Variants in AFF3 observed in about 807,000 individuals in gnomAD.
AFF3 encodes ALF transcription elongation factor 3, also known as AF4/FMR2 family member 3.
AFF3 carries 32 observed loss-of-function variants against 129.7 expected under a neutral mutation model. The ratio of observed to expected loss-of-function variants is 0.25; its 90% CI spans 0.19 to 0.33. The LOEUF (loss-of-function observed/expected upper bound fraction) is 0.33. Among genes scored for constraint, AFF3 ranks in the 10% least tolerant of loss-of-function variants. AFF3 has a pLI of 1.00. For missense variants in AFF3, 1,373 were observed against 1,592.0 expected (o/e 0.86, Z 2.34); for synonymous variants, 644 against 635.4 (o/e 1.01, Z -0.20).
At chr2:99,654,283 AGAG>A (rs1225973405) in intron 12 of AFF3, among the ~76,000 whole-genome samples, 1 of 152,212 alleles carries the variant, frequency 6.6e-6, no homozygotes, top group Non-Finnish European at 1.5e-5. Context: ...TTATGAAAGA[AGAG>A]GAGTATATGT....
At position 99,703,153 on chromosome 2, in the gene AFF3, G is replaced by T. The variant is rs776545553; in HGVS notation, c.1091+23924C>A. ...TGGGCTAACATTAAGATGATGCAGG[G>T]CTGTGTTCCTTCTGAGGCCTCTAGG... is the stretch of plus-strand genomic sequence containing the variant. On this transcript the variant is annotated intron_variant, in intron 11 of 24. Coordinates refer to ENST00000672756, the MANE Select transcript of AFF3 (RefSeq NM_001386135.1). Among the ~76,000 whole-genome samples, 12 of 152,328 alleles carry T rather than the reference G, an allele frequency of 7.9e-5. No individual in the cohort carries two copies. In the South Asian group the frequency reaches 2.5e-3, roughly 32 times the overall value.
chr2:99,889,585 A>G (rs906509504), intron 7 of AFF3, among the ~76,000 whole-genome samples: 7 of 152,222 alleles, frequency 4.6e-5, no homozygotes, highest in Admixed American at 4.6e-4. Context: ...CTATCTTTAA[A>G]GAAAAAAGCA....
chr2:99,963,755 A>G (rs2104353360), intron 7 of AFF3, among the ~76,000 whole-genome samples: 1 of 152,188 alleles, frequency 6.6e-6, no homozygotes. Context: ...AAAAACAATA[A>G]AAGACTTAGC....
At chr2:100,095,449 A>G (rs191938722) in intron 4 of AFF3, among the ~76,000 whole-genome samples, 4 of 152,362 alleles carry the variant, frequency 2.6e-5, no homozygotes, top group African/African-American at 9.6e-5. Context: ...CCAGGAGTAC[A>G]GATACCAACT....
intron 7 of AFF3, among the ~76,000 whole-genome samples, chr2:99,989,426 C>A (rs959958729): frequency 6.6e-6 from 1 of 152,230 alleles, no homozygotes; most frequent in Admixed American, 6.5e-5. Flanking sequence ...CATCCATTAA[C>A]ACTGCAGTCC....
intron 10 of AFF3, among the ~76,000 whole-genome samples, chr2:99,734,705 A>G (rs1680107570): frequency 6.6e-6 from 1 of 152,096 alleles, no homozygotes; most frequent in African/African-American, 2.4e-5. Context: ...AATTCCTAAA[A>G]TAAGTACAGT....
intron 7 of AFF3, among the ~76,000 whole-genome samples, chr2:99,991,520 T>G (rs1192242900): frequency 6.6e-6 from 1 of 152,204 alleles, no homozygotes; most frequent in East Asian, 1.9e-4. Context: ...TGAGTCAGAA[T>G]GTCATGATTT....
intron 4 of AFF3, among the ~76,000 whole-genome samples, chr2:100,089,077 A>T (rs1689670699): frequency 6.6e-6 from 1 of 152,122 alleles, no homozygotes; most frequent in South Asian, 2.1e-4. Context: ...AAAAGTCACG[A>T]GGTATAAAGT....
intron 13 of AFF3, among the ~76,000 whole-genome samples, chr2:99,603,398 T>G (rs1488422089): frequency 3.3e-5 from 5 of 152,162 alleles, no homozygotes; most frequent in Admixed American, 2.6e-4. Flanking sequence ...CCCTATTTAA[T>G]AAACGGTGCT....
intron 13 of AFF3, among the ~76,000 whole-genome samples, chr2:99,621,448 C>T (rs991001842): frequency 5.3e-5 from 8 of 152,196 alleles, no homozygotes; most frequent in Non-Finnish European, 1.2e-4. Flanking sequence ...AGGGATCTGC[C>T]TGCGACCTCG....
intron 7 of AFF3, among the ~76,000 whole-genome samples, chr2:99,879,516 T>C (rs928360924): frequency 1.3e-5 from 2 of 152,242 alleles, no homozygotes; most frequent in Non-Finnish European, 2.9e-5. Context: ...GCAACCTTTG[T>C]AGAATTTCTC....
chr2:99,664,474 T>C (rs1686507469), intron 12 of AFF3, among the ~76,000 whole-genome samples: 1 of 152,266 alleles, frequency 6.6e-6, no homozygotes, highest in Admixed American at 6.5e-5. Context: ...TAGCTTGATG[T>C]AAGCATCCTT....
intron 10 of AFF3, 102 bp from the exon 11 acceptor site, chr2:99,727,230 A>C: frequency 8.5e-7 from 1 of 1,179,542 alleles, no homozygotes; most frequent in Non-Finnish European, 1.2e-6. Flanking sequence ...ACAATCTTTC[A>C]AAATGTGTAG....
chr2:99,903,546 G>C lies in AFF3; in HGVS notation c.874-66022C>G, dbSNP rs567519147. Among the ~76,000 whole-genome samples, 5 of 151,930 alleles carry C rather than the reference G, an allele frequency of 3.3e-5. No individual in the cohort carries two copies. In the South Asian group the frequency reaches 1.0e-3, roughly 32 times the overall value. On this transcript the variant is annotated intron_variant, in intron 7 of 24. Coordinates refer to ENST00000672756, the MANE Select transcript of AFF3 (RefSeq NM_001386135.1). ...CTTTAAAATTAGAGTTCAAGAAATTGGAATATCAATAATAAACTATTTACA... is the reference window on the plus strand; with the variant it reads ...CTTTAAAATTAGAGTTCAAGAAATTCGAATATCAATAATAAACTATTTACA...
At chr2:99,872,827 C>A (rs1249544871) in intron 7 of AFF3, among the ~76,000 whole-genome samples, 1 of 151,976 alleles carries the variant, frequency 6.6e-6, no homozygotes, top group Non-Finnish European at 1.5e-5. Flanking sequence ...CTGATCTCAT[C>A]AAAAAAATTC....
chr2:99,644,731 A>G (rs558137362), intron 13 of AFF3, among the ~76,000 whole-genome samples: 1 of 152,342 alleles, frequency 6.6e-6, no homozygotes, highest in South Asian at 2.1e-4. Context: ...TTTACTACTC[A>G]TGAAGGGAAG....
chr2:99,857,012 T>C (rs1690579852), intron 7 of AFF3, among the ~76,000 whole-genome samples: 1 of 152,128 alleles, frequency 6.6e-6, no homozygotes, highest in African/African-American at 2.4e-5. Flanking sequence ...ACTCATTAAG[T>C]TCCTCGGTCC....
chr2:99,673,036 A>T (rs1176774003), intron 11 of AFF3, among the ~76,000 whole-genome samples: 1 of 152,014 alleles, frequency 6.6e-6, no homozygotes, highest in Non-Finnish European at 1.5e-5. Context: ...AAATAGCAAT[A>T]AAAAAGAAGA....
At chr2:99,862,168 C>T (rs1468955064) in intron 7 of AFF3, among the ~76,000 whole-genome samples, 1 of 151,976 alleles carries the variant, frequency 6.6e-6, no homozygotes, top group African/African-American at 2.4e-5. Flanking sequence ...TCCAGGTTTT[C>T]TTTTAATATC....
Sources: allele counts gnomAD v4.1 joint callset (sites outside exome capture counted in the v4.1 genomes callset), GRCh38; gene constraint gnomAD v4.1.1; transcripts MANE v1.5; gene names NCBI Gene and HGNC (gene_info 2026-07-23, HGNC 2026-07-21).